Variants in CD8B observed in about 807,000 individuals in gnomAD.
CD8B encodes the protein CD8 subunit beta.
In CD8B, 6 loss-of-function variants were observed where a neutral mutation model predicts 24.2. The ratio of observed to expected loss-of-function variants is 0.25; its 90% CI spans 0.14 to 0.49. CD8B has a LOEUF of 0.49. CD8B is among the 20% of genes least tolerant of loss of function. CD8B has a pLI of 0.98. For missense variants in CD8B, 196 were observed against 271.3 expected (o/e 0.72, Z 1.95); for synonymous variants, 84 against 108.3 (o/e 0.78, Z 1.39).
intron 5 of CD8B, among the ~76,000 whole-genome samples, chr2:86,818,826 G>A (rs115509581): frequency 6.6e-6 from 1 of 152,240 alleles, no homozygotes; most frequent in African/African-American, 2.4e-5. Flanking sequence ...AGGAAGGGAT[G>A]CTGAAAGTGG....
intron 5 of CD8B, among the ~76,000 whole-genome samples, chr2:86,823,993 G>A (rs943136778): frequency 1.3e-5 from 2 of 149,964 alleles, no homozygotes; most frequent in African/African-American, 4.9e-5. Flanking sequence ...TGTACAGCAT[G>A]TGTGTGTGTG....
At chr2:86,823,330 T>C (rs1674552304) in intron 5 of CD8B, among the ~76,000 whole-genome samples, 1 of 152,150 alleles carries the variant, frequency 6.6e-6, no homozygotes, top group South Asian at 2.1e-4. Flanking sequence ...CTGGTTGGTG[T>C]TTGCAGTGGC....
At chr2:86,835,489 T>C (rs113871654), downstream of CD8B, among the ~76,000 whole-genome samples, 32,210 of 149,084 alleles carry the variant, frequency 0.22, 3,554 homozygotes, top group African/African-American at 0.28. Flanking sequence ...CTCCCCTCCC[T>C]ATGTCCCCCA....
intron 3 of CD8B, among the ~76,000 whole-genome samples, chr2:86,848,699 A>AAATTAATT (rs377685286): frequency 8.3e-4 from 12 of 14,416 alleles, no homozygotes; most frequent in South Asian, 2.8e-3. Flanking sequence ...TGGTATTTTT[A>AAATTAATT]AATTATTTAT....
intron 2 of CD8B, among the ~76,000 whole-genome samples, chr2:86,854,781 C>G (rs1403325199): frequency 6.6e-6 from 1 of 151,026 alleles, no homozygotes; most frequent in Non-Finnish European, 1.5e-5. Flanking sequence ...ACACCATGAA[C>G]CTAAACTCTA....
chr2:86,828,795 T>G (rs1674789491), intron 5 of CD8B, among the ~76,000 whole-genome samples: 1 of 152,238 alleles, frequency 6.6e-6, no homozygotes, highest in African/African-American at 2.4e-5. Context: ...CTCTACTTTA[T>G]TATCTTCTGG....
chr2:86,842,816 G>A (rs1227093728), intron 5 of CD8B, among the ~76,000 whole-genome samples: 3 of 152,188 alleles, frequency 2.0e-5, no homozygotes, highest in African/African-American at 7.2e-5. Context: ...ACAGGTAAGT[G>A]TAAACCCAGA....
chr2:86,849,831 G>A (rs890908719), intron 3 of CD8B, among the ~76,000 whole-genome samples: 12 of 150,888 alleles, frequency 8.0e-5, no homozygotes, highest in Admixed American at 2.0e-4. Flanking sequence ...AGCCTCCTAA[G>A]TCGTTGGGAT....
At chr2:86,835,117 C>A (rs1675125718), downstream of CD8B, among the ~76,000 whole-genome samples, 1 of 152,160 alleles carries the variant, frequency 6.6e-6, no homozygotes, top group African/African-American at 2.4e-5. Flanking sequence ...GGCGGACTTT[C>A]TGATGGAGGA....
Position 86,844,915 on chromosome 2 carries a change from C to T in CD8B, c.620+7G>A, listed in dbSNP as rs773924473. On this transcript the variant is annotated splice_region_variant and intron_variant, in intron 5 of 5. Coordinates refer to ENST00000390655, the MANE Select transcript of CD8B (RefSeq NM_004931.5). The stretch of plus-strand genomic sequence containing the variant: ...AACCCAAGGCCACACCCAGGTTATA[C>T]ACTTACTGTTTCATGAAACGAAGCC... The T allele has an allele frequency of 4.5e-6, 7 of 1,557,448 alleles. No individual in the cohort carries two copies. The East Asian group carries it at 7.3e-5, about 16-fold the overall frequency.
At chr2:86,834,659 G>A (rs1402460780), downstream of CD8B, among the ~76,000 whole-genome samples, 1 of 152,114 alleles carries the variant, frequency 6.6e-6, no homozygotes, top group African/African-American at 2.4e-5. Context: ...GTTCCAGGCC[G>A]GGCACAGTGG....
chr2:86,830,460 G>A (rs571418466), intron 5 of CD8B, among the ~76,000 whole-genome samples: 28 of 152,088 alleles, frequency 1.8e-4, no homozygotes, highest in African/African-American at 6.5e-4. Context: ...CCAGCTACTT[G>A]GGAGGCTGAG....
At chr2:86,857,899 C>T (rs1235402772) in intron 2 of CD8B, among the ~76,000 whole-genome samples, 158 bp downstream of exon 2, 9 of 152,264 alleles carry the variant, frequency 5.9e-5, no homozygotes, top group South Asian at 4.1e-4. Context: ...AGGGGCTTGG[C>T]CTGGGTAAGT....
intron 5 of CD8B, among the ~76,000 whole-genome samples, chr2:86,822,627 A>C (rs568650339): frequency 1.3e-5 from 2 of 152,388 alleles, no homozygotes; most frequent in African/African-American, 4.8e-5. Context: ...AAACATTAGA[A>C]GAAAATACAC....
At chr2:86,827,621 C>CA (rs61256363) in intron 5 of CD8B, among the ~76,000 whole-genome samples, 3,029 of 126,316 alleles carry the variant, frequency 0.024, 39 homozygotes, top group African/African-American at 0.041. Flanking sequence ...GACCCTATCT[C>CA]AAAAAAAAAA....
intron 5 of CD8B, among the ~76,000 whole-genome samples, chr2:86,842,690 C>T (rs1675492158): frequency 6.6e-6 from 1 of 152,202 alleles, no homozygotes; most frequent in Non-Finnish European, 1.5e-5. Flanking sequence ...CAAATCGCAA[C>T]TCAGATCTGT....
intron 3 of CD8B, among the ~76,000 whole-genome samples, chr2:86,852,214 A>T (rs1021660717): frequency 1.3e-5 from 2 of 152,146 alleles, no homozygotes; most frequent in Non-Finnish European, 2.9e-5. Context: ...CGATCCACCC[A>T]TCTGGGCCTC....
chr2:86,844,280 G>A (rs1376686543), intron 5 of CD8B, among the ~76,000 whole-genome samples: 1 of 151,286 alleles, frequency 6.6e-6, no homozygotes, highest in Non-Finnish European at 1.5e-5. Context: ...GTCAACTCCT[G>A]GGACCCAGAT....
At chr2:86,850,318 T>C (rs4971886) in intron 3 of CD8B, among the ~76,000 whole-genome samples, 106,961 of 151,914 alleles carry the variant, frequency 0.7, 37,917 homozygotes, top group East Asian at 0.81. Flanking sequence ...CTCCTGAGTC[T>C]ATGGTTTAGA....
Sources: gnomAD v4.1 joint callset for allele counts (sites outside exome capture counted in the v4.1 genomes callset) on GRCh38, gnomAD v4.1.1 for gene constraint, MANE v1.5 for transcripts, NCBI Gene and HGNC (gene_info 2026-07-23, HGNC 2026-07-21) for gene names.